TECPR2: variants seen among roughly 807,000 people sequenced by gnomAD.
TECPR2 encodes tectonin beta-propeller repeat-containing protein 2.
A neutral mutation model predicts 138.1 loss-of-function variants in TECPR2; 65 were observed. That is an observed-to-expected ratio of 0.47 (90% CI 0.39 to 0.58). TECPR2 has a LOEUF of 0.58. Ranked by LOEUF, TECPR2 falls within the 20% of genes least tolerant of loss-of-function variation. The pLI is 0.00. For missense variants in TECPR2, 1,553 were observed against 1,824.5 expected (o/e 0.85, Z 2.71); for synonymous variants, 746 against 749.8 (o/e 0.99, Z 0.08).
intron 2 of TECPR2, among the ~76,000 whole-genome samples, chr14:102,398,579 GGGCTGGATTCAGTGGC>G: frequency 6.6e-6 from 1 of 152,082 alleles, no homozygotes; most frequent in East Asian, 1.9e-4. Context: ...AAGAACCTTT[GGGCTGGATTCAGTGGC>G]TCACACCTGT....
chr14:102,495,356 C>T (rs995102698), intron 17 of TECPR2, among the ~76,000 whole-genome samples: 10 of 152,208 alleles, frequency 6.6e-5, no homozygotes, highest in African/African-American at 2.4e-4. Context: ...TCACCACCTT[C>T]CCTCTGAGCT....
In TECPR2 at chr14:102,420,935, A is replaced by G. The variant is rs907077314; in HGVS notation, c.639-4044A>G. Among the ~76,000 whole-genome samples the G allele has an allele frequency of 6.6e-6, 1 of 152,158 alleles. No homozygotes were observed. Among genetic ancestry groups the G allele is most frequent in the South Asian group, 2.1e-4 (1 of 4,830 alleles). On this transcript the variant is annotated intron_variant, in intron 5 of 19. Transcript: ENST00000359520. The surrounding 1 kb of genome is among the most constrained non-coding windows in gnomAD (Gnocchi z 4.1). ...CTTTGAGCAGCTCTTTGAGCCTCAG[A>G]TGGCGCTTCCAGATGCTGATGTGAT...
intron 17 of TECPR2, among the ~76,000 whole-genome samples, chr14:102,482,524 C>G (rs565116775): frequency 6.6e-6 from 1 of 152,312 alleles, no homozygotes; most frequent in South Asian, 2.1e-4. Flanking sequence ...TACCCGGGAC[C>G]CAGCTGTTGT....
At chr14:102,437,315 G>C (rs1889693948) in intron 9 of TECPR2, among the ~76,000 whole-genome samples, 1 of 152,268 alleles carries the variant, frequency 6.6e-6, no homozygotes, top group South Asian at 2.1e-4. Context: ...GGGAGGCCAA[G>C]GTGGGCGAAT....
At position 102,470,215 on chromosome 14, in the gene TECPR2, A is replaced by G. The variant is rs142624568; in HGVS notation, c.3789+4926A>G. 3.9e-5 allele frequency among the ~76,000 whole-genome samples: 6 copies of G among 152,192 alleles called. No homozygotes were observed. The East Asian group carries it at 1.2e-3, about 29-fold the overall frequency. ...GTTAGAATTCGTCATCCCATCCATG[A>G]ATTCATGTAGCCATGTAGGCCTGAA... On this transcript the variant is annotated intron_variant, in intron 17 of 19. Coordinates refer to ENST00000359520, the MANE Select transcript of TECPR2 (RefSeq NM_014844.5).
chr14:102,471,648 G>A (rs1890653902), intron 17 of TECPR2, among the ~76,000 whole-genome samples: 1 of 152,102 alleles, frequency 6.6e-6, no homozygotes, highest in Admixed American at 6.6e-5. Flanking sequence ...GCTGTAGTGA[G>A]CTATGATTGC....
chr14:102,387,952 G>A (rs1309045721), intron 2 of TECPR2, among the ~76,000 whole-genome samples: 3 of 152,196 alleles, frequency 2.0e-5, no homozygotes, highest in Admixed American at 2.0e-4. Context: ...AAACGGAAGG[G>A]AAAGGCACTG....
chr14:102,494,544 C>T (rs777221239), intron 17 of TECPR2, among the ~76,000 whole-genome samples: 1 of 150,328 alleles, frequency 6.7e-6, no homozygotes, highest in Non-Finnish European at 1.5e-5. Context: ...AAAACTAGCT[C>T]GGACGGGTGC....
intron 4 of TECPR2, among the ~76,000 whole-genome samples, chr14:102,410,479 A>T (rs558662167): frequency 1.1e-4 from 8 of 69,744 alleles, no homozygotes; most frequent in Admixed American, 2.6e-4. Context: ...TTAAAAAAAA[A>T]AATAAAAAAT....
intron 5 of TECPR2, 129 bp downstream of exon 5, chr14:102,414,922 G>A: frequency 4.2e-6 from 5 of 1,195,328 alleles, no homozygotes; most frequent in Non-Finnish European, 5.8e-6. Context: ...TCTAAGCCTG[G>A]GGTTCCTGGT....
chr14:102,448,628 G>A (rs1021443899), intron 13 of TECPR2, among the ~76,000 whole-genome samples: 12 of 152,174 alleles, frequency 7.9e-5, no homozygotes, highest in Admixed American at 2.6e-4. Context: ...CACTTTGGGA[G>A]GCCTGGGCGG....
chr14:102,401,217 T>A lies in TECPR2; in HGVS notation c.220-6121T>A, dbSNP rs1012109458. Among the ~76,000 whole-genome samples, 60 of 151,750 alleles carry A rather than the reference T, an allele frequency of 4.0e-4. 2 individuals are homozygous for A. The highest frequency in any genetic ancestry group is 1.5e-5 in the Non-Finnish European group (1 of 67,940). ...ACTTTGGGAGGCCAAGGTGGGTGGA[T>A]CACCTGAGGTCAGGAGTTCGAGACC... On this transcript the variant is annotated intron_variant, in intron 2 of 19. Coordinates refer to ENST00000359520, the MANE Select transcript of TECPR2 (RefSeq NM_014844.5).
In TECPR2 at chr14:102,434,602, G is replaced by A. The variant is rs1367573550; in HGVS notation, c.1785G>A (p.Thr595=). 6.4e-6 allele frequency: 10 copies of A among 1,569,662 alleles called. No individual in the cohort carries two copies. The highest frequency in any genetic ancestry group is 1.3e-5 in the African/African-American group (1 of 74,294). The change falls in exon 9 of 20, where the codon ACG becomes ACA. Residue 595 remains threonine, a synonymous_variant. Coordinates refer to ENST00000359520, the MANE Select transcript of TECPR2 (RefSeq NM_014844.5). ...AAGATGTGGGAGGCAGTGATGTCAC[G>A]GGACTCGGAGATGAGCCGTGTCCTG... is the stretch of plus-strand genomic sequence containing the variant. ...AREDVGGSDV[T]GLGDEPCPAD...
At chr14:102,482,209 C>A (rs989374778) in intron 17 of TECPR2, among the ~76,000 whole-genome samples, 3 of 152,102 alleles carry the variant, frequency 2.0e-5, no homozygotes, top group Non-Finnish European at 4.4e-5. Context: ...CGTGTGCCAC[C>A]ACACCCAGCT....
At chr14:102,418,787 G>C (rs1372757581) in intron 5 of TECPR2, among the ~76,000 whole-genome samples, 1 of 152,212 alleles carries the variant, frequency 6.6e-6, no homozygotes, top group Non-Finnish European at 1.5e-5. Flanking sequence ...GATGGGGCGG[G>C]GTTGGTGGTC....
intron 17 of TECPR2, among the ~76,000 whole-genome samples, chr14:102,494,796 C>T (rs552870720): frequency 3.3e-5 from 5 of 151,034 alleles, no homozygotes; most frequent in Non-Finnish European, 7.4e-5. Context: ...TGCACTCCAG[C>T]CTGGGTAACA....
At chr14:102,462,142 T>C (rs1890425928) in intron 16 of TECPR2, among the ~76,000 whole-genome samples, 3 of 152,244 alleles carry the variant, frequency 2.0e-5, no homozygotes. Context: ...TCTGAGATGC[T>C]GGCCTGGTGT....
In TECPR2 at chr14:102,414,733, G is replaced by A. The variant is rs372570099; in HGVS notation, c.578G>A (p.Ser193Asn). ...CTGCTGGTCTCTACTCTGCAAAGAA[G>A]TCTGCTCTTTTACACTGAAGAAAAG... ...KVLLVSTLQR[S>N]LLFYTEEKSV... Residue 193 changes from serine (S) to asparagine (N), a missense_variant, in exon 5 of 20, where the codon AGT (serine) becomes AAT (asparagine). Physicochemically the swap from Ser to Asn is conservative, Grantham distance 46 (BLOSUM62 1). Transcript: ENST00000359520. 4 of 1,614,246 alleles carry A rather than the reference G, an allele frequency of 2.5e-6. No individual in the cohort carries two copies. The highest frequency in any genetic ancestry group is 3.4e-6 in the Non-Finnish European group (4 of 1,180,052).
At chr14:102,373,864 A>C (rs914705225) in intron 1 of TECPR2, among the ~76,000 whole-genome samples, 3 of 151,980 alleles carry the variant, frequency 2.0e-5, no homozygotes, top group African/African-American at 7.3e-5. Flanking sequence ...GCAGATCATG[A>C]GGTCAGGAGT....
Sources: allele counts gnomAD v4.1 joint callset (sites outside exome capture counted in the v4.1 genomes callset), GRCh38; gene constraint gnomAD v4.1.1; non-coding constraint Gnocchi (gnomAD v3.1); transcripts MANE v1.5; gene names NCBI Gene and HGNC (gene_info 2026-07-23, HGNC 2026-07-21).